RAD51B: variants seen among roughly 807,000 people sequenced by gnomAD.
RAD51B encodes DNA repair protein RAD51 homolog 2.
RAD51B carries 38 observed loss-of-function variants against 42.2 expected under a neutral mutation model. The ratio of observed to expected loss-of-function variants is 0.90; its 90% CI spans 0.70 to 1.18. The LOEUF is 1.18. Among genes scored for constraint, RAD51B ranks in the 50% most tolerant of loss-of-function variants. The probability of loss-of-function intolerance (pLI) is 0.00; values close to 1 mark genes in which losing one functional copy is unlikely to be tolerated. For missense variants in RAD51B, 373 were observed against 400.7 expected, an observed-to-expected ratio of 0.93 and a Z score of 0.59; for synonymous variants, 154 against 145.2, an observed-to-expected ratio of 1.06 and a Z score of -0.43.
At chr14:68,267,287 C>A (rs1477174509) in intron 7 of RAD51B, among the ~76,000 whole-genome samples, 1 of 152,160 alleles carries the variant, frequency 6.6e-6, no homozygotes. Flanking sequence ...AAAACCGTGA[C>A]AACCGCAGAT....
At chr14:68,097,554 G>A (rs1244936151) in intron 7 of RAD51B, among the ~76,000 whole-genome samples, 3 of 152,136 alleles carry the variant, frequency 2.0e-5, no homozygotes, top group Non-Finnish European at 2.9e-5. Context: ...CAGCTTTAAA[G>A]CAGGTTCTTT....
At chr14:68,596,471 T>C (rs1891004468), downstream of RAD51B, among the ~76,000 whole-genome samples, 2 of 152,132 alleles carry the variant, frequency 1.3e-5, no homozygotes, top group African/African-American at 4.8e-5. Flanking sequence ...GGGAGAACAA[T>C]GGCCCTTCTC....
chr14:68,072,088 A>ATT (rs1566623013), intron 7 of RAD51B, among the ~76,000 whole-genome samples: 2 of 126,532 alleles, frequency 1.6e-5, no homozygotes, highest in Non-Finnish European at 3.2e-5. Flanking sequence ...AATATATATA[A>ATT]ATATATAATA....
chr14:67,975,683 T>C (rs563605442), intron 7 of RAD51B, among the ~76,000 whole-genome samples: 2 of 152,308 alleles, frequency 1.3e-5, no homozygotes, highest in Admixed American at 1.3e-4. Flanking sequence ...AACAGCTGGA[T>C]TGGTTACAGC....
chr14:67,997,413 A>G (rs1240568213), intron 7 of RAD51B, among the ~76,000 whole-genome samples: 2 of 152,178 alleles, frequency 1.3e-5, no homozygotes, highest in Non-Finnish European at 2.9e-5. Flanking sequence ...AATGAAGAGT[A>G]TCAAGGAGGA....
chr14:68,041,558 ACT>A (rs2076217594), intron 7 of RAD51B, among the ~76,000 whole-genome samples: 2 of 147,010 alleles, frequency 1.4e-5, no homozygotes, highest in South Asian at 2.2e-4. Flanking sequence ...CAACATTTAT[ACT>A]CTCTTTTTTT....
At chr14:68,150,913 C>A (rs2078364961) in intron 7 of RAD51B, among the ~76,000 whole-genome samples, 1 of 151,790 alleles carries the variant, frequency 6.6e-6, no homozygotes, top group Non-Finnish European at 1.5e-5. Flanking sequence ...GTTATAAATC[C>A]CACACTGAGT....
chr14:67,977,330 G>A (rs2075014353), intron 7 of RAD51B, among the ~76,000 whole-genome samples: 1 of 152,190 alleles, frequency 6.6e-6, no homozygotes. Flanking sequence ...AGACATTCAT[G>A]AGGATGAGCT....
intron 5 of RAD51B, among the ~76,000 whole-genome samples, chr14:67,872,580 A>G (rs1167782381): frequency 6.7e-6 from 1 of 148,800 alleles, no homozygotes; most frequent in African/African-American, 2.5e-5. Flanking sequence ...CAGAATTGGA[A>G]AAAACTACTT....
chr14:68,160,860 CT>C (rs1166652222), intron 7 of RAD51B, among the ~76,000 whole-genome samples: 1 of 152,162 alleles, frequency 6.6e-6, no homozygotes, highest in Non-Finnish European at 1.5e-5. Context: ...TCTGCAAGTG[CT>C]TTTCATTGGC....
chr14:68,564,418 C>T (rs1889316973), intron 10 of RAD51B, among the ~76,000 whole-genome samples: 2 of 152,178 alleles, frequency 1.3e-5, no homozygotes, highest in African/African-American at 2.4e-5. Context: ...TTTCTGTTAA[C>T]GAGAGGCCAC....
intron 7 of RAD51B, among the ~76,000 whole-genome samples, chr14:68,090,440 AC>A (rs1208870895): frequency 3.3e-5 from 5 of 152,172 alleles, no homozygotes; most frequent in Non-Finnish European, 5.9e-5. Flanking sequence ...TATTGCTATG[AC>A]ATTTAAGTAA....
rs575128400 is a variant in RAD51B, at chr14:67,932,575, G to A, written c.756+45371G>A. Among the ~76,000 whole-genome samples the A allele has an allele frequency of 5.9e-5, 9 of 152,284 alleles. No homozygotes were observed. In the East Asian group the frequency reaches 1.7e-3, roughly 29 times the overall value. On this transcript the variant is annotated intron_variant, in intron 7 of 10. Coordinates refer to ENST00000471583, the MANE Select transcript of RAD51B (RefSeq NM_133510.4). Reference sequence around the variant, plus strand: ...AGATGCTGAGGTGGTGGTGGCAGAGGTGGGGTGGGCAGGTGAGCAAGTTCT... The same window carrying A: ...AGATGCTGAGGTGGTGGTGGCAGAGATGGGGTGGGCAGGTGAGCAAGTTCT...
intron 10 of RAD51B, among the ~76,000 whole-genome samples, chr14:68,489,497 C>G (rs1432347311): frequency 1.3e-5 from 2 of 152,218 alleles, no homozygotes; most frequent in Non-Finnish European, 2.9e-5. Flanking sequence ...TAGCTAGTAT[C>G]ATGAAATCTC....
intron 8 of RAD51B, among the ~76,000 whole-genome samples, chr14:68,322,490 T>G (rs1016846292): frequency 6.6e-6 from 1 of 152,234 alleles, no homozygotes; most frequent in Admixed American, 6.5e-5. Flanking sequence ...AGGTTTTTAT[T>G]TAAAAAGCCT....
At chr14:68,277,464 A>G (rs568980572) in intron 7 of RAD51B, among the ~76,000 whole-genome samples, 3 of 152,342 alleles carry the variant, frequency 2.0e-5, no homozygotes, top group African/African-American at 7.2e-5. Flanking sequence ...TGTAAAGACC[A>G]TGAGATATGG....
At chr14:67,851,351 AG>A (rs1159169325) in intron 4 of RAD51B, among the ~76,000 whole-genome samples, 1 of 151,828 alleles carries the variant, frequency 6.6e-6, no homozygotes, top group Non-Finnish European at 1.5e-5. Flanking sequence ...ACTCTCAGGC[AG>A]GGCACTTAGG....
At chr14:68,212,046 C>T (rs1017651739) in intron 7 of RAD51B, among the ~76,000 whole-genome samples, 1 of 152,198 alleles carries the variant, frequency 6.6e-6, no homozygotes, top group Non-Finnish European at 1.5e-5. Context: ...TTGGCATTCT[C>T]GTTTGCTCCA....
At chr14:67,842,904 CT>C (rs947628476) in intron 4 of RAD51B, among the ~76,000 whole-genome samples, 11 of 152,092 alleles carry the variant, frequency 7.2e-5, no homozygotes, top group African/African-American at 2.4e-4. Context: ...ATGTTGACAG[CT>C]TTTTCTGTGT....
Sources: allele counts gnomAD v4.1 joint callset (sites outside exome capture counted in the v4.1 genomes callset), GRCh38; gene constraint gnomAD v4.1.1; transcripts MANE v1.5; gene names NCBI Gene and HGNC (gene_info 2026-07-23, HGNC 2026-07-21).